The following MAF variants were observed in gnomAD, a reference collection of about 807,000 sequenced individuals.
MAF encodes transcription factor Maf.
Under a neutral mutation model 22.0 loss-of-function variants are expected in MAF, and 10 were observed. The observed-to-expected ratio is 0.45, with a 90% CI of 0.28 to 0.77. The LOEUF (loss-of-function observed/expected upper bound fraction) is 0.77, where lower values mean the gene tolerates loss of function less well. Among genes scored for constraint, MAF ranks in the 30% least tolerant of loss-of-function variants. MAF has a pLI of 0.12. For missense variants in MAF, 544 were observed against 548.4 expected, an observed-to-expected ratio of 0.99 and a Z score of 0.08; for synonymous variants, 337 against 255.8, an observed-to-expected ratio of 1.32 and a Z score of -3.03.
the MAF span, among the ~76,000 whole-genome samples, chr16:79,548,417 A>C: frequency 6.6e-6 from 1 of 152,208 alleles, no homozygotes; most frequent in African/African-American, 2.4e-5. Context: ...TCAGAGAGAA[A>C]AGAAGCTTAA....
At chr16:79,421,087 A>G in the MAF span, among the ~76,000 whole-genome samples, 18 of 152,254 alleles carry the variant, frequency 1.2e-4, no homozygotes, top group African/African-American at 3.6e-4. Flanking sequence ...ATATTAATAT[A>G]ACTGTTCTAT....
In MAF at chr16:79,599,936, C is replaced by T. The variant is rs1379381373; in HGVS notation, c.-34G>A. On this transcript the variant is annotated 5_prime_UTR_variant, in exon 1 of 2. Coordinates refer to ENST00000326043, the MANE Select transcript of MAF (RefSeq NM_005360.5). ...CGCCGCCGCCGCCGCCGCCGCCGCT[C>T]CGCCAGATGGGCTGCAGGAGAGGGG... 6.3e-7 allele frequency: 1 copy of T among 1,597,244 alleles called. No homozygotes were observed. Among genetic ancestry groups the T allele is most frequent in the South Asian group, 1.1e-5 (1 of 90,986 alleles).
chr16:79,467,866 G>A, the MAF span, among the ~76,000 whole-genome samples: 1 of 151,934 alleles, frequency 6.6e-6, no homozygotes, highest in Non-Finnish European at 1.5e-5. Context: ...GGGGGAGAAA[G>A]GATGCAGGCA....
the MAF span, chr16:79,203,985 G>C: frequency 6.6e-6 from 1 of 152,034 alleles, no homozygotes; most frequent in African/African-American, 2.4e-5. Flanking sequence ...CCTTTAGCAC[G>C]GGCATCAAGG....
At chr16:79,360,624 T>C in the MAF span, among the ~76,000 whole-genome samples, 1 of 152,230 alleles carries the variant, frequency 6.6e-6, no homozygotes, top group African/African-American at 2.4e-5. Flanking sequence ...TTGAGTTCTT[T>C]TATTTTGCAG....
chr16:79,353,809 G>A, the MAF span, among the ~76,000 whole-genome samples: 1 of 152,096 alleles, frequency 6.6e-6, no homozygotes, highest in African/African-American at 2.4e-5. Flanking sequence ...AAAAAGAAAA[G>A]CAGATCTCAA....
the MAF span, among the ~76,000 whole-genome samples, chr16:79,490,999 G>A: frequency 6.6e-6 from 1 of 152,162 alleles, no homozygotes; most frequent in Non-Finnish European, 1.5e-5. Context: ...GGGAAATCAC[G>A]TTGAGAATCA....
chr16:79,525,814 G>C, the MAF span, among the ~76,000 whole-genome samples: 2 of 152,100 alleles, frequency 1.3e-5, no homozygotes, highest in African/African-American at 4.8e-5. Context: ...GTCCTTTCTA[G>C]TAGTAACTTC....
chr16:79,291,168 G>T, the MAF span, among the ~76,000 whole-genome samples: 1 of 152,166 alleles, frequency 6.6e-6, no homozygotes, highest in South Asian at 2.1e-4. Context: ...TCGTCTGCTG[G>T]TCTGCTTCAA....
the MAF span, among the ~76,000 whole-genome samples, chr16:79,384,499 T>C: frequency 0.052 from 7,625 of 147,404 alleles, 255 homozygotes; most frequent in Non-Finnish European, 0.07. Flanking sequence ...GGCTCACGCC[T>C]GTAATCCCAG....
At chr16:79,212,078 A>G in the MAF span, 1 of 1,536,426 alleles carries the variant, frequency 6.5e-7, no homozygotes, top group East Asian at 2.4e-5. Flanking sequence ...TAGGTTCCGT[A>G]TCTCCCTGGA....
chr16:79,484,912 G>C, the MAF span, among the ~76,000 whole-genome samples: 1 of 152,206 alleles, frequency 6.6e-6, no homozygotes, highest in East Asian at 1.9e-4. Context: ...AGCTGAACAG[G>C]ATTTAGAACC....
the MAF span, among the ~76,000 whole-genome samples, chr16:79,560,237 T>G: frequency 2.6e-5 from 4 of 152,136 alleles, no homozygotes; most frequent in African/African-American, 9.7e-5. Flanking sequence ...AACAGTATTC[T>G]TAAATGAAAT....
chr16:79,547,383 C>A, the MAF span, among the ~76,000 whole-genome samples: 2 of 152,036 alleles, frequency 1.3e-5, no homozygotes, highest in Non-Finnish European at 2.9e-5. Flanking sequence ...CGAACCTGTA[C>A]ACACACATTC....
the MAF span, among the ~76,000 whole-genome samples, chr16:79,249,659 C>A: frequency 6.6e-6 from 1 of 152,274 alleles, no homozygotes; most frequent in South Asian, 2.1e-4. Flanking sequence ...GACAACTCCC[C>A]TCTTTAGATA....
the MAF span, among the ~76,000 whole-genome samples, chr16:79,520,696 G>A: frequency 1.3e-5 from 2 of 152,166 alleles, no homozygotes; most frequent in African/African-American, 4.8e-5. Context: ...TCTGGTTTCT[G>A]TCCCAACCCT....
At chr16:79,285,707 C>T in the MAF span, among the ~76,000 whole-genome samples, 9 of 152,260 alleles carry the variant, frequency 5.9e-5, no homozygotes, top group East Asian at 5.8e-4. Context: ...AGCTGGATTC[C>T]GCAAGGCCAG....
At chr16:79,530,655 G>T in the MAF span, among the ~76,000 whole-genome samples, 1 of 152,148 alleles carries the variant, frequency 6.6e-6, no homozygotes, top group South Asian at 2.1e-4. Flanking sequence ...TCTAATTATT[G>T]AAAGTATGAC....
chr16:79,589,746 C>T (rs893587743), downstream of MAF, among the ~76,000 whole-genome samples: 11 of 152,190 alleles, frequency 7.2e-5, no homozygotes, highest in African/African-American at 2.7e-4. Flanking sequence ...CTAGGGCAGT[C>T]CTTTTGACTT....
Sources: gnomAD v4.1 joint callset for allele counts (sites outside exome capture counted in the v4.1 genomes callset) on GRCh38, gnomAD v4.1.1 for gene constraint, MANE v1.5 for transcripts, NCBI Gene and HGNC (gene_info 2026-07-23, HGNC 2026-07-21) for gene names.